FMN2: variants seen among roughly 807,000 people sequenced by gnomAD.
The protein encoded by FMN2 is formin-2.
FMN2 carries 51 observed loss-of-function variants against 142.3 expected under a neutral mutation model. The observed-to-expected ratio is 0.36, with a 90% CI of 0.29 to 0.45. FMN2 has a LOEUF of 0.45. Among genes scored for constraint, FMN2 ranks in the 20% least tolerant of loss-of-function variants. The pLI, the probability that FMN2 is intolerant of heterozygous loss-of-function variation, is 1.00. For synonymous variants in FMN2, 882 were observed against 869.8 expected (o/e 1.01, Z -0.25); for missense variants, 1,936 against 2,122.8 (o/e 0.91, Z 1.73).
At chr1:240,211,817 C>G (rs1408559422) in intron 6 of FMN2, among the ~76,000 whole-genome samples, 11 of 152,092 alleles carry the variant, frequency 7.2e-5, no homozygotes, top group African/African-American at 2.7e-4. Context: ...TGGTGCATTT[C>G]AAGAAAAACA....
chr1:240,155,267 G>C (rs564625002), intron 2 of FMN2, among the ~76,000 whole-genome samples: 18 of 152,126 alleles, frequency 1.2e-4, no homozygotes, highest in African/African-American at 4.3e-4. Context: ...TCATGAAAGA[G>C]ACTATAAATC....
chr1:240,448,380 G>A (rs1572326543), intron 16 of FMN2, among the ~76,000 whole-genome samples: 1 of 152,130 alleles, frequency 6.6e-6, no homozygotes, highest in East Asian at 1.9e-4. Flanking sequence ...ATATATATGT[G>A]TGTGTGTATG....
intron 15 of FMN2, among the ~76,000 whole-genome samples, chr1:240,437,566 T>A (rs1475517496): frequency 3.3e-5 from 5 of 152,100 alleles, no homozygotes; most frequent in Non-Finnish European, 5.9e-5. Context: ...CCTCCCAAAG[T>A]GCTGGGATTA....
chr1:240,114,908 G>A (rs909619234), intron 1 of FMN2, among the ~76,000 whole-genome samples: 1 of 151,942 alleles, frequency 6.6e-6, no homozygotes, highest in Non-Finnish European at 1.5e-5. Flanking sequence ...TGCCCACCTC[G>A]GCCTCCCAAA....
At chr1:240,118,395 T>C (rs961658600) in intron 1 of FMN2, among the ~76,000 whole-genome samples, 1 of 152,122 alleles carries the variant, frequency 6.6e-6, no homozygotes, top group Non-Finnish European at 1.5e-5. Context: ...ATGACGCTGC[T>C]GGGGCTGCAT....
At chr1:240,339,864 T>C (rs1671690429) in intron 13 of FMN2, among the ~76,000 whole-genome samples, 1 of 151,924 alleles carries the variant, frequency 6.6e-6, no homozygotes, top group Non-Finnish European at 1.5e-5. Context: ...CTATTAATAT[T>C]TTCTTTCTGG....
At chr1:240,294,675 A>C (rs1233339171) in intron 7 of FMN2, 147 bp from the exon 8 acceptor site, 10 of 660,534 alleles carry the variant, frequency 1.5e-5, no homozygotes, top group Non-Finnish European at 1.6e-5. Flanking sequence ...TTCCTGGTGC[A>C]GGCTTTGCAG....
At chr1:240,243,130 G>A (rs57084916) in intron 6 of FMN2, among the ~76,000 whole-genome samples, 3,690 of 146,444 alleles carry the variant, frequency 0.025, 138 homozygotes, top group African/African-American at 0.088. Context: ...GGAGTAGACC[G>A]AAAAAAAAAA....
chr1:240,119,105 G>A (rs774601324), intron 1 of FMN2, among the ~76,000 whole-genome samples: 13 of 152,010 alleles, frequency 8.6e-5, no homozygotes, highest in Admixed American at 5.2e-4. Flanking sequence ...TGAGGTGGGC[G>A]GATCACGAGG....
intron 13 of FMN2, among the ~76,000 whole-genome samples, chr1:240,336,553 C>CAAAA (rs552135436): frequency 4.0e-5 from 2 of 50,524 alleles, no homozygotes; most frequent in African/African-American, 9.7e-5. Context: ...TGGTATTCTC[C>CAAAA]AAAAAAAAAA....
chr1:240,339,032 C>T (rs1671660573), intron 13 of FMN2, among the ~76,000 whole-genome samples: 1 of 152,122 alleles, frequency 6.6e-6, no homozygotes, highest in African/African-American at 2.4e-5. Flanking sequence ...TCTAATGCTG[C>T]AGCTGATCTG....
intron 14 of FMN2, among the ~76,000 whole-genome samples, chr1:240,363,366 G>A (rs1672557316): frequency 1.3e-5 from 2 of 152,184 alleles, no homozygotes; most frequent in Admixed American, 1.3e-4. Context: ...GGTGTGATTT[G>A]TTGTAGATTT....
rs907319809 is a variant in FMN2 at position 240,212,961 on chromosome 1, T to C, written c.4065+1726T>C. 3.3e-5 allele frequency among the ~76,000 whole-genome samples: 5 copies of C among 152,180 alleles called. No homozygotes were observed. In the South Asian group the frequency reaches 1.0e-3, roughly 32 times the overall value. On this transcript the variant is annotated intron_variant, in intron 6 of 17. Coordinates refer to ENST00000319653, the MANE Select transcript of FMN2 (RefSeq NM_020066.5). ...TTTGTGTTTTTTTGTTTGTTTGTTTTTGTTTGTTTGTTTTTTTGGCTAAGG... is the reference window on the plus strand; with the variant it reads ...TTTGTGTTTTTTTGTTTGTTTGTTTCTGTTTGTTTGTTTTTTTGGCTAAGG...
intron 7 of FMN2, among the ~76,000 whole-genome samples, chr1:240,263,816 A>G (rs1668708149): frequency 6.6e-6 from 1 of 152,192 alleles, no homozygotes; most frequent in African/African-American, 2.4e-5. Flanking sequence ...TACCCAGCCC[A>G]GGGTATGAAT....
chr1:240,103,519 ATTGCCGTCTAGCT>A (rs913640434), intron 1 of FMN2, among the ~76,000 whole-genome samples: 1 of 152,180 alleles, frequency 6.6e-6, no homozygotes. Context: ...CAAACAAGGC[ATTGCCGTCTAGCT>A]TTGCCATATT....
intron 15 of FMN2, among the ~76,000 whole-genome samples, chr1:240,422,429 C>T (rs1308987384): frequency 6.6e-6 from 1 of 152,132 alleles, no homozygotes; most frequent in Non-Finnish European, 1.5e-5. Context: ...TTTCTTTCAT[C>T]TGAGTTTTGT....
intron 6 of FMN2, among the ~76,000 whole-genome samples, chr1:240,246,051 A>G (rs920699745): frequency 3.3e-5 from 5 of 152,108 alleles, no homozygotes; most frequent in Admixed American, 2.6e-4. Flanking sequence ...ATGGTGGCGG[A>G]TGCCTGTAGT....
chr1:240,468,187 T>C (rs1346671972), intron 16 of FMN2, among the ~76,000 whole-genome samples: 3 of 145,836 alleles, frequency 2.1e-5, no homozygotes, highest in African/African-American at 7.9e-5. Flanking sequence ...TGTGAATGCA[T>C]CCACTAAAAT....
chr1:240,098,056 T>G (rs941743806), intron 1 of FMN2, among the ~76,000 whole-genome samples: 1 of 151,426 alleles, frequency 6.6e-6, no homozygotes, highest in African/African-American at 2.4e-5. Context: ...AGAACTTGGA[T>G]TGTGCAACTC....
Sources: gnomAD v4.1 joint callset for allele counts (sites outside exome capture counted in the v4.1 genomes callset) on GRCh38, gnomAD v4.1.1 for gene constraint, MANE v1.5 for transcripts, NCBI Gene and HGNC (gene_info 2026-07-23, HGNC 2026-07-21) for gene names.